IGF1R: variants seen among roughly 807,000 people sequenced by gnomAD.
The protein encoded by IGF1R is insulin-like growth factor 1 receptor.
A neutral mutation model predicts 144.6 loss-of-function variants in IGF1R; 44 were observed. The observed-to-expected ratio is 0.30, with a 90% CI of 0.24 to 0.39. IGF1R has a LOEUF of 0.39. IGF1R is among the 10% of genes least tolerant of loss of function. The probability of loss-of-function intolerance (pLI) is 1.00; values close to 1 mark genes in which losing one functional copy is unlikely to be tolerated. For synonymous variants in IGF1R, 795 were observed against 722.8 expected, an observed-to-expected ratio of 1.10 and a Z score of -1.60; for missense variants, 1,355 against 1,833.7, an observed-to-expected ratio of 0.74 and a Z score of 4.77.
rs1389767337 is a variant in IGF1R at position 98,774,990 on chromosome 15, C to T, written c.640+66883C>T. Among the ~76,000 whole-genome samples the T allele has an allele frequency of 7.9e-5, 12 of 152,318 alleles. No homozygotes were observed. The East Asian group carries it at 1.3e-3, about 17-fold the overall frequency. On this transcript the variant is annotated intron_variant, in intron 2 of 20. Transcript: ENST00000650285. ...AGGAACCTGGAACCAGACTCCTTCTCCAGCTGGGCAGTCCCAGGTTTGAGT... is the reference window on the plus strand; with the variant it reads ...AGGAACCTGGAACCAGACTCCTTCTTCAGCTGGGCAGTCCCAGGTTTGAGT...
chr15:98,758,018 C>T (rs930005600), intron 2 of IGF1R, among the ~76,000 whole-genome samples: 2 of 152,104 alleles, frequency 1.3e-5, no homozygotes, highest in African/African-American at 4.8e-5. Context: ...CCAGGGTTTG[C>T]ATTTCCGCAA....
chr15:98,719,639 G>A (rs1238490779), intron 2 of IGF1R, among the ~76,000 whole-genome samples: 1 of 152,178 alleles, frequency 6.6e-6, no homozygotes, highest in Non-Finnish European at 1.5e-5. Context: ...AGGATTAATT[G>A]GCTTCGAGGT....
intron 5 of IGF1R, among the ~76,000 whole-genome samples, chr15:98,908,062 G>A (rs1340913376): frequency 6.6e-6 from 1 of 152,226 alleles, no homozygotes; most frequent in Non-Finnish European, 1.5e-5. Flanking sequence ...CCTCTTGCCT[G>A]GATGAGAGGC....
chr15:98,829,445 G>T (rs1409500085), intron 2 of IGF1R, among the ~76,000 whole-genome samples: 1 of 152,132 alleles, frequency 6.6e-6, no homozygotes, highest in Admixed American at 6.5e-5. Flanking sequence ...TAAGATGTTT[G>T]GGGGTTCAGA....
Position 98,961,555 on chromosome 15 carries a change from ATAATCT to A in IGF1R, c.*4117_*4122del, listed in dbSNP as rs1410446444. The A allele has an allele frequency of 3.4e-5, 8 of 233,604 alleles. No individual in the cohort carries two copies. The highest frequency in any genetic ancestry group is 5.6e-5 in the Admixed American group (1 of 17,784). The allele number at this position is 233,604 out of a possible 1,614,324, so 14.5% of individuals were successfully genotyped here. A position where few individuals can be genotyped will look rare whatever the true frequency, so the allele number is the denominator to read the frequency against. On this transcript the variant is annotated 3_prime_UTR_variant, in exon 21 of 21. Transcript: ENST00000650285. ...CTTGATTTTTCTCTGTGTGTTCCAA[ATAATCT>A]TAAGCTGAGTTGTGGCATTTTCCAT...
chr15:98,667,631 G>A (rs1005429649), intron 1 of IGF1R, among the ~76,000 whole-genome samples: 3 of 151,988 alleles, frequency 2.0e-5, no homozygotes, highest in Admixed American at 6.6e-5. Context: ...CAGGGCTCAG[G>A]CCTGGACCTG....
intron 2 of IGF1R, among the ~76,000 whole-genome samples, chr15:98,883,204 C>T (rs983437936): frequency 3.9e-5 from 6 of 152,258 alleles, no homozygotes; most frequent in African/African-American, 1.4e-4. Flanking sequence ...TTTCTTTTGC[C>T]GTGCGTAGCT....
At chr15:98,751,371 T>TAA (rs928754110) in intron 2 of IGF1R, among the ~76,000 whole-genome samples, 7 of 147,912 alleles carry the variant, frequency 4.7e-5, no homozygotes, top group Non-Finnish European at 7.5e-5. Context: ...AGGTAATTTC[T>TAA]AAAAAAAAAA....
intron 2 of IGF1R, among the ~76,000 whole-genome samples, chr15:98,722,925 G>A (rs2054277436): frequency 6.6e-6 from 1 of 152,040 alleles, no homozygotes. Context: ...GTGTGGAGTT[G>A]AAGGTGGGAT....
At chr15:98,766,201 C>A (rs1279593850) in intron 2 of IGF1R, among the ~76,000 whole-genome samples, 1 of 152,122 alleles carries the variant, frequency 6.6e-6, no homozygotes, top group Non-Finnish European at 1.5e-5. Flanking sequence ...ATCAGAATTC[C>A]CCTAATTCAC....
chr15:98,947,937 C>T (rs1449374001), intron 19 of IGF1R, among the ~76,000 whole-genome samples: 1 of 152,178 alleles, frequency 6.6e-6, no homozygotes, highest in Non-Finnish European at 1.5e-5. Flanking sequence ...TATAGATCTT[C>T]TAAACATTCC....
intron 1 of IGF1R, among the ~76,000 whole-genome samples, chr15:98,668,723 A>G (rs986437227): frequency 1.3e-5 from 2 of 152,168 alleles, no homozygotes; most frequent in Non-Finnish European, 2.9e-5. Context: ...ATGTAAGTAC[A>G]TTCCTCCTCT....
chr15:98,838,627 G>A (rs1216077112), intron 2 of IGF1R, among the ~76,000 whole-genome samples: 1 of 152,160 alleles, frequency 6.6e-6, no homozygotes, highest in Non-Finnish European at 1.5e-5. Context: ...AGGGCGTTGG[G>A]CCAGGCTGAT....
chr15:98,877,518 A>C (rs200098907), intron 2 of IGF1R, among the ~76,000 whole-genome samples: 15,188 of 106,244 alleles, frequency 0.14, 1,154 homozygotes, highest in East Asian at 0.48. Context: ...TTTTTTCCCC[A>C]AAAAATTTGC....
intron 2 of IGF1R, among the ~76,000 whole-genome samples, chr15:98,734,085 C>T (rs1386442045): frequency 1.3e-5 from 2 of 152,140 alleles, no homozygotes; most frequent in African/African-American, 2.4e-5. Flanking sequence ...AAAGAGCGCG[C>T]ATCGTATAAA....
In IGF1R at chr15:98,924,683, A is replaced by C; in HGVS notation, c.2781A>C (p.Lys927Asn). Residue 927 changes from lysine (K) to asparagine (N), a missense_variant and splice_region_variant, in exon 13 of 21, where the codon AAA (lysine) becomes AAC (asparagine). Lys to Asn is a moderately conservative substitution (Grantham distance 94). Coordinates refer to ENST00000650285, the MANE Select transcript of IGF1R (RefSeq NM_000875.5). ...CTGTGTTCTTCTATGTCCAGGCCAA[A>C]AGTAAGGCTTGTGGAGGGAGAAGAA... ...TDPVFFYVQA[K>N]TGYENFIHLI... is the part of the protein sequence containing the mutation. The C allele has an allele frequency of 6.2e-7, 1 of 1,613,324 alleles. No homozygotes were observed. The highest frequency in any genetic ancestry group is 1.1e-5 in the South Asian group (1 of 90,972).
At chr15:98,914,558 TG>T (rs2015159189) in intron 8 of IGF1R, among the ~76,000 whole-genome samples, 1 of 152,216 alleles carries the variant, frequency 6.6e-6, no homozygotes, top group African/African-American at 2.4e-5. Context: ...ATCCTGCGTG[TG>T]GGTTGGTGTA....
At chr15:98,937,065 T>C (rs1015901584) in intron 17 of IGF1R, among the ~76,000 whole-genome samples, 4 of 152,172 alleles carry the variant, frequency 2.6e-5, no homozygotes, top group East Asian at 1.9e-4. Flanking sequence ...TTTGTATTTT[T>C]AGTAGAGACG....
chr15:98,730,773 C>T (rs1002735982), intron 2 of IGF1R, among the ~76,000 whole-genome samples: 9 of 152,078 alleles, frequency 5.9e-5, no homozygotes, highest in Non-Finnish European at 1.0e-4. Context: ...AAAATAATTT[C>T]AAGTCAGTTA....
Sources: gnomAD v4.1 joint callset for allele counts (sites outside exome capture counted in the v4.1 genomes callset) on GRCh38, gnomAD v4.1.1 for gene constraint, MANE v1.5 for transcripts, NCBI Gene and HGNC (gene_info 2026-07-23, HGNC 2026-07-21) for gene names.